HAO2: variants seen among roughly 807,000 people sequenced by gnomAD.
HAO2 encodes 2-Hydroxyacid oxidase 2.
Under a neutral mutation model 37.4 loss-of-function variants are expected in HAO2, and 42 were observed. The observed-to-expected ratio is 1.12, with a 90% confidence interval of 0.88 to 1.45. The LOEUF is 1.45. Ranked by LOEUF, HAO2 falls within the 40% of genes most tolerant of loss-of-function variation. The probability of loss-of-function intolerance (pLI) is 0.00; values close to 1 mark genes in which losing one functional copy is unlikely to be tolerated. For synonymous variants in HAO2, 180 were observed against 162.8 expected (o/e 1.11, Z -0.81); for missense variants, 476 against 430.2 (o/e 1.11, Z -0.94).
At chr1:119,392,553 C>G in intron 6 of HAO2, 65 bp from the exon 7 acceptor site, 2 of 1,015,282 alleles carry the variant, frequency 2.0e-6, no homozygotes, top group Non-Finnish European at 3.2e-6. Flanking sequence ...AGAATTTATA[C>G]TAGTGGATGG....
intron 1 of HAO2, among the ~76,000 whole-genome samples, chr1:119,374,650 C>A (rs1649304108): frequency 6.6e-6 from 1 of 152,080 alleles, no homozygotes; most frequent in South Asian, 2.1e-4. Context: ...CACAGCCTAC[C>A]CTGCAATTTT....
At chr1:119,379,324 G>T (rs935501080) in intron 1 of HAO2, among the ~76,000 whole-genome samples, 1 of 152,096 alleles carries the variant, frequency 6.6e-6, no homozygotes, top group South Asian at 2.1e-4. Context: ...TATACAAACA[G>T]TTTATACACA....
intron 1 of HAO2, among the ~76,000 whole-genome samples, chr1:119,379,319 A>T (rs1317481212): frequency 2.6e-5 from 4 of 152,166 alleles, no homozygotes; most frequent in Non-Finnish European, 5.9e-5. Flanking sequence ...TTGTTTATAC[A>T]AACAGTTTAT....
At position 119,386,708 on chromosome 1, in the gene HAO2, A is replaced by G; in HGVS notation, c.648A>G (p.Arg216=). 6.2e-7 allele frequency: 1 copy of G among 1,613,106 alleles called. No homozygotes were observed. Among genetic ancestry groups the G allele is most frequent in the Non-Finnish European group, 8.5e-7 (1 of 1,179,106 alleles). ...TCTCCTGGTTTCAGAGCATAACTCGATTGCCCATCATCCTGAAAGGGATTT... is the reference window on the plus strand; with the variant it reads ...TCTCCTGGTTTCAGAGCATAACTCGGTTGCCCATCATCCTGAAAGGGATTT... ...NDLSWFQSIT[R]LPIILKGILT... The change falls in exon 5 of 8, where the codon CGA becomes CGG. Residue 216 remains arginine, a synonymous_variant. Coordinates refer to ENST00000325945, the MANE Select transcript of HAO2 (RefSeq NM_016527.4).
chr1:119,392,595 C>A, intron 6 of HAO2, 23 bp from the exon 7 acceptor site: 1 of 1,537,068 alleles, frequency 6.5e-7, no homozygotes, highest in East Asian at 2.2e-5. Context: ...CTTTGTGTCT[C>A]TGTCTGTCTG....
Position 119,394,031 on chromosome 1 carries a change from A to C in HAO2, c.*191A>C, listed in dbSNP as rs1651135666. 1.4e-6 allele frequency: 2 copies of C among 1,405,234 alleles called. No homozygotes were observed. The highest frequency in any genetic ancestry group is 2.6e-5 in the East Asian group (1 of 37,778). The allele number at this position is 1,405,234 out of a possible 1,614,324, so 87.0% of individuals were successfully genotyped here. On this transcript the variant is annotated 3_prime_UTR_variant, in exon 8 of 8. Coordinates refer to ENST00000325945, the MANE Select transcript of HAO2 (RefSeq NM_016527.4). The stretch of plus-strand genomic sequence containing the variant: ...AACCCCTGTGTTCCCCAAATGTTCC[A>C]TGCCCTTCTTTGTATCACTGACTAT...
chr1:119,391,490 T>C (rs1412976513), intron 5 of HAO2, among the ~76,000 whole-genome samples: 1 of 152,222 alleles, frequency 6.6e-6, no homozygotes, highest in Non-Finnish European at 1.5e-5. Context: ...GATGATAAGA[T>C]GTTTTTATTT....
chr1:119,392,626 TG>T lies in HAO2; in HGVS notation c.941del (p.Gly314ValfsTer6). Reference sequence around the variant, plus strand: ...GTCTGCCTCGGGAGCAGGGTGAACATGGTGTTAAGGAAGTTTTGAACATTTT... The same window carrying T: ...GTCTGCCTCGGGAGCAGGGTGAACATGTGTTAAGGAAGTTTTGAACATTTT... ...LWGLACKGEH[G>X]VKEVLNILTN... On this transcript the variant is annotated frameshift_variant, in exon 7 of 8. Transcript: ENST00000325945. LOFTEE classifies it high-confidence loss of function. 6.2e-7 allele frequency: 1 copy of T among 1,605,934 alleles called. No homozygotes were observed. Among genetic ancestry groups the T allele is most frequent in the African/African-American group, 1.3e-5 (1 of 74,892 alleles).
In HAO2 at chr1:119,382,950, C is replaced by T; in HGVS notation, c.167C>T (p.Ser56Phe). The T allele has an allele frequency of 6.2e-7, 1 of 1,613,692 alleles. No individual in the cohort carries two copies. Among genetic ancestry groups the T allele is most frequent in the Non-Finnish European group, 8.5e-7 (1 of 1,179,670 alleles). Residue 56 changes from serine (S) to phenylalanine (F), a missense_variant, in exon 3 of 8, where the codon TCT becomes TTT. Transcript: ENST00000325945. ...CGTCCGCGGTACCTGAGAGATGTGT[C>T]TGAGGTGGACACCAGAACCACAATC... ...RLRPRYLRDVSEVDTRTTIQG... is the reference protein window; with the variant it reads ...RLRPRYLRDVFEVDTRTTIQG...
chr1:119,389,169 C>CATATATATATATATATATATATATAT (rs1650665158), intron 5 of HAO2, among the ~76,000 whole-genome samples: 1 of 14,546 alleles, frequency 6.9e-5, no homozygotes, highest in African/African-American at 2.0e-4. Flanking sequence ...TATATATATA[C>CATATATATATATATATATATATATAT]ACCACAGTTT....
At chr1:119,374,431 G>C (rs1009692195) in intron 1 of HAO2, among the ~76,000 whole-genome samples, 3 of 152,186 alleles carry the variant, frequency 2.0e-5, no homozygotes, top group African/African-American at 7.2e-5. Context: ...ACTGATTACA[G>C]CATTTTCAGC....
chr1:119,388,892 G>C (rs1384494720), intron 5 of HAO2, among the ~76,000 whole-genome samples: 5 of 151,086 alleles, frequency 3.3e-5, no homozygotes, highest in Admixed American at 2.6e-4. Flanking sequence ...AGTATACACT[G>C]CACCCTATTT....
At chr1:119,376,903 A>T (rs1649515544) in intron 1 of HAO2, among the ~76,000 whole-genome samples, 1 of 152,178 alleles carries the variant, frequency 6.6e-6, no homozygotes. Context: ...CAGTCCTATG[A>T]TGGGAGGGTC....
At chr1:119,378,992 G>A (rs1165028397) in intron 1 of HAO2, among the ~76,000 whole-genome samples, 1 of 152,178 alleles carries the variant, frequency 6.6e-6, no homozygotes, top group African/African-American at 2.4e-5. Context: ...GGAACAAATA[G>A]TCGAGGCTAT....
chr1:119,380,180 G>T (rs1386602788), intron 1 of HAO2, among the ~76,000 whole-genome samples: 3 of 152,100 alleles, frequency 2.0e-5, no homozygotes, highest in Admixed American at 2.0e-4. Context: ...AAAGCAACTA[G>T]TGTCTTCAGC....
intron 4 of HAO2, chr1:119,385,339 C>G (rs587720066): frequency 1.5e-4 from 147 of 985,134 alleles, no homozygotes; most frequent in African/African-American, 1.4e-3. Context: ...AGGAAAGCCA[C>G]GGAAAATATT....
rs1413786346 is a variant in HAO2 at position 119,385,037 on chromosome 1, T to C, written c.545T>C (p.Leu182Pro). 1.2e-6 allele frequency: 2 copies of C among 1,611,772 alleles called. No individual in the cohort carries two copies. Among genetic ancestry groups the C allele is most frequent in the Non-Finnish European group, 1.7e-6 (2 of 1,178,314 alleles). Residue 182 changes from leucine (L) to proline (P), a missense_variant, in exon 4 of 8, where the codon CTT becomes CCT. Transcript: ENST00000325945. ...AGGAGGAACTTAACACTAACAGATC[T>C]TCAATCACCTAAAAAGGTAAGAAAG... The part of the protein sequence containing the change: ...QLRRNLTLTD[L>P]QSPKKGNAIP...
chr1:119,382,277 A>T (rs1464947100), intron 2 of HAO2, among the ~76,000 whole-genome samples: 1 of 152,226 alleles, frequency 6.6e-6, no homozygotes, highest in Non-Finnish European at 1.5e-5. Flanking sequence ...GTGCAAAAAT[A>T]ATAATATTGT....
chr1:119,386,316 C>G (rs72991408), intron 4 of HAO2, among the ~76,000 whole-genome samples: 1 of 152,080 alleles, frequency 6.6e-6, no homozygotes, highest in East Asian at 1.9e-4. Context: ...TGAGCCCAAG[C>G]GATCCTCCCA....
Sources: gnomAD v4.1 joint callset for allele counts (sites outside exome capture counted in the v4.1 genomes callset) on GRCh38, gnomAD v4.1.1 for gene constraint, MANE v1.5 for transcripts, NCBI Gene and HGNC (gene_info 2026-07-23, HGNC 2026-07-21) for gene names.